DCLK2: variants seen among roughly 807,000 people sequenced by gnomAD.
DCLK2 encodes the protein serine/threonine-protein kinase DCLK2.
In DCLK2, 31 loss-of-function variants were observed where a neutral mutation model predicts 78.4. The ratio of observed to expected loss-of-function variants is 0.40; its 90% CI spans 0.30 to 0.53. The LOEUF (loss-of-function observed/expected upper bound fraction) is 0.53, where lower values mean the gene tolerates loss of function less well. Ranked by LOEUF, DCLK2 falls within the 20% of genes least tolerant of loss-of-function variation. The probability of loss-of-function intolerance (pLI) is 0.61; values close to 1 mark genes in which losing one functional copy is unlikely to be tolerated. For missense variants in DCLK2, 872 were observed against 973.7 expected (o/e 0.90, Z 1.39); for synonymous variants, 407 against 374.9 (o/e 1.09, Z -0.99).
chr4:150,144,822 A>G (rs1385559161), intron 2 of DCLK2, among the ~76,000 whole-genome samples: 1 of 152,200 alleles, frequency 6.6e-6, no homozygotes, highest in East Asian at 1.9e-4. Flanking sequence ...TCCTGGGCTC[A>G]AGATCCTCCT....
intron 2 of DCLK2, among the ~76,000 whole-genome samples, chr4:150,121,613 T>C (rs2150182902): frequency 6.6e-6 from 1 of 152,348 alleles, no homozygotes; most frequent in South Asian, 2.1e-4. Context: ...CTCCTGTTAA[T>C]GTTGATATGT....
intron 2 of DCLK2, among the ~76,000 whole-genome samples, chr4:150,128,201 C>T (rs902507293): frequency 2.6e-5 from 4 of 152,052 alleles, no homozygotes; most frequent in African/African-American, 9.7e-5. Flanking sequence ...GAAAGGCCTC[C>T]AAAACAAAGA....
intron 3 of DCLK2, among the ~76,000 whole-genome samples, chr4:150,197,584 T>C (rs1340490300): frequency 6.6e-6 from 1 of 151,962 alleles, no homozygotes; most frequent in Non-Finnish European, 1.5e-5. Context: ...TGAAACCCCG[T>C]CTCTACTAAT....
intron 2 of DCLK2, among the ~76,000 whole-genome samples, chr4:150,113,223 T>C (rs1218411892): frequency 6.6e-6 from 1 of 152,180 alleles, no homozygotes; most frequent in Non-Finnish European, 1.5e-5. Flanking sequence ...TTATGTCCTT[T>C]TCTAGTTTGG....
intron 2 of DCLK2, among the ~76,000 whole-genome samples, chr4:150,191,986 G>T (rs1738488704): frequency 6.6e-6 from 1 of 152,120 alleles, no homozygotes; most frequent in South Asian, 2.1e-4. Flanking sequence ...TGTTGGAAAT[G>T]GATTACTTCT....
intron 2 of DCLK2, among the ~76,000 whole-genome samples, chr4:150,144,729 G>A (rs1156893321): frequency 1.3e-5 from 2 of 152,106 alleles, no homozygotes; most frequent in Non-Finnish European, 2.9e-5. Flanking sequence ...TGGGACTGCA[G>A]GCATGTGCCA....
At chr4:150,135,511 G>A (rs546578999) in intron 2 of DCLK2, among the ~76,000 whole-genome samples, 21 of 152,302 alleles carry the variant, frequency 1.4e-4, no homozygotes, top group Non-Finnish European at 1.2e-4. Flanking sequence ...ACCCATCACC[G>A]TCTTCAAGAA....
chr4:150,249,588 T>A lies in DCLK2; in HGVS notation c.1977T>A (p.Asn659Lys). 6.2e-7 allele frequency: 1 copy of A among 1,613,612 alleles called. No homozygotes were observed. The stretch of plus-strand genomic sequence containing the variant: ...TGTAGGATGATGCCTCCCAGGAGAA[T>A]AACATGCAAGCTGAGGTGACAGGTA... Reference protein sequence around the residue: ...PWVSDDASQENNMQAEVTGKL... With the variant: ...PWVSDDASQEKNMQAEVTGKL... Residue 659 changes from asparagine (N) to lysine (K), a missense_variant, in exon 15 of 16, where the codon AAT becomes AAA. Around this residue, in one of 3 missense-constraint regions of DCLK2, gnomAD observed 219 missense variants for 230.1 expected, o/e 0.95. Coordinates refer to ENST00000296550, the MANE Select transcript of DCLK2 (RefSeq NM_001040260.4).
intron 2 of DCLK2, among the ~76,000 whole-genome samples, chr4:150,187,686 C>CTTA (rs1738056705): frequency 6.6e-6 from 1 of 152,100 alleles, no homozygotes; most frequent in Non-Finnish European, 1.5e-5. Flanking sequence ...GTGCCTGGCA[C>CTTA]ATAATGAGTG....
chr4:150,086,466 A>AGTTTTCTCTT (rs1425892373), intron 1 of DCLK2, among the ~76,000 whole-genome samples: 5 of 151,798 alleles, frequency 3.3e-5, no homozygotes, highest in African/African-American at 1.2e-4. Flanking sequence ...GTCTGACTTG[A>AGTTTTCTCTT]GTTTTCTCTT....
chr4:150,173,598 G>A (rs956845667), intron 2 of DCLK2, among the ~76,000 whole-genome samples: 2 of 152,120 alleles, frequency 1.3e-5, no homozygotes, highest in Non-Finnish European at 2.9e-5. Flanking sequence ...TTTTCTAGAA[G>A]GAAAAGTCTC....
At chr4:150,184,905 TTA>T (rs1737808423) in intron 2 of DCLK2, among the ~76,000 whole-genome samples, 1 of 152,150 alleles carries the variant, frequency 6.6e-6, no homozygotes, top group African/African-American at 2.4e-5. Flanking sequence ...CCGGCCAGTC[TTA>T]TGTTTCTTAC....
intron 2 of DCLK2, among the ~76,000 whole-genome samples, chr4:150,190,286 GATA>G (rs1183671029): frequency 0.01 from 1,534 of 147,924 alleles, 20 homozygotes; most frequent in African/African-American, 0.034. Flanking sequence ...TAGATAGATA[GATA>G]GATAGATAGG....
intron 12 of DCLK2, among the ~76,000 whole-genome samples, chr4:150,245,577 C>G (rs980797797): frequency 1.3e-5 from 2 of 151,970 alleles, no homozygotes; most frequent in Non-Finnish European, 2.9e-5. Context: ...TCCAAGTGTT[C>G]TCATTGTTCA....
chr4:150,208,666 G>A (rs1204491861), intron 5 of DCLK2, among the ~76,000 whole-genome samples: 4 of 152,000 alleles, frequency 2.6e-5, no homozygotes, highest in African/African-American at 9.7e-5. Context: ...GGGTGAAGAG[G>A]GGTGGAAAGA....
chr4:150,113,381 TTTG>T (rs910798079), intron 2 of DCLK2, among the ~76,000 whole-genome samples: 2 of 152,166 alleles, frequency 1.3e-5, no homozygotes, highest in African/African-American at 4.8e-5. Flanking sequence ...CCTAGGTTTT[TTTG>T]TTGTTGTTGG....
intron 2 of DCLK2, among the ~76,000 whole-genome samples, chr4:150,155,519 C>A (rs1735207157): frequency 6.6e-6 from 1 of 152,162 alleles, no homozygotes; most frequent in African/African-American, 2.4e-5. Context: ...GAATAAACTA[C>A]TTACTTGTAT....
intron 2 of DCLK2, among the ~76,000 whole-genome samples, chr4:150,139,434 C>T (rs1042656952): frequency 2.0e-5 from 3 of 152,150 alleles, no homozygotes; most frequent in African/African-American, 2.4e-5. Flanking sequence ...TGAAGTGATA[C>T]CTTTAACTTG....
intron 2 of DCLK2, among the ~76,000 whole-genome samples, chr4:150,110,021 C>T (rs924689268): frequency 5.3e-5 from 8 of 152,118 alleles, no homozygotes; most frequent in Non-Finnish European, 1.0e-4. Flanking sequence ...TTTTGATATC[C>T]GTTGTAAAGC....
Sources: gnomAD v4.1 joint callset for allele counts (sites outside exome capture counted in the v4.1 genomes callset) on GRCh38, gnomAD v4.1.1 for gene constraint, gnomAD v4.1.1 regional missense constraint, MANE v1.5 for transcripts, NCBI Gene and HGNC (gene_info 2026-07-23, HGNC 2026-07-21) for gene names.